Variants in EPHB2 observed in about 807,000 individuals in gnomAD.
EPHB2 encodes the protein EPH receptor B2, also known as ephrin type-B receptor 2.
In EPHB2, 18 loss-of-function variants were observed where a neutral mutation model predicts 96.4. The observed-to-expected ratio is 0.19, with a 90% CI of 0.13 to 0.28. EPHB2 has a LOEUF of 0.28. EPHB2 is among the 10% of genes least tolerant of loss of function. EPHB2 has a pLI of 1.00. For missense variants in EPHB2, 989 were observed against 1,355.4 expected, an observed-to-expected ratio of 0.73 and a Z score of 4.25; for synonymous variants, 506 against 534.1, an observed-to-expected ratio of 0.95 and a Z score of 0.72.
chr1:22,750,649 T>G (rs1644047343), intron 1 of EPHB2, among the ~76,000 whole-genome samples: 1 of 152,212 alleles, frequency 6.6e-6, no homozygotes, highest in African/African-American at 2.4e-5. Flanking sequence ...GACTTCAAGC[T>G]CAGAACCTGC....
chr1:22,781,063 G>A (rs1425143119), intron 1 of EPHB2, among the ~76,000 whole-genome samples: 1 of 151,914 alleles, frequency 6.6e-6, no homozygotes, highest in African/African-American at 2.4e-5. Flanking sequence ...GCTCACGCCT[G>A]TACTCCCAGC....
chr1:22,725,480 CA>C (rs1329713390), intron 1 of EPHB2, among the ~76,000 whole-genome samples: 2 of 151,882 alleles, frequency 1.3e-5, no homozygotes, highest in Admixed American at 6.6e-5. Flanking sequence ...AAACAAACAC[CA>C]AAAACCAGAG....
intron 5 of EPHB2, among the ~76,000 whole-genome samples, chr1:22,872,011 A>G (rs918855396): frequency 1.6e-5 from 1 of 61,360 alleles, no homozygotes; most frequent in Non-Finnish European, 4.4e-5. Flanking sequence ...GCGAGACTCC[A>G]TCTCAAAGAA....
intron 3 of EPHB2, among the ~76,000 whole-genome samples, chr1:22,844,013 T>G (rs1645506059): frequency 6.6e-6 from 1 of 152,266 alleles, no homozygotes; most frequent in Admixed American, 6.5e-5. Flanking sequence ...TTCCATGGTG[T>G]ATATGTACCA....
intron 6 of EPHB2, among the ~76,000 whole-genome samples, chr1:22,888,592 G>T (rs1394707109): frequency 6.6e-6 from 1 of 152,116 alleles, no homozygotes; most frequent in Non-Finnish European, 1.5e-5. Flanking sequence ...AGGACTAGTG[G>T]ATTTCATACT....
Position 22,913,933 on chromosome 1 carries a change from TC to T in EPHB2, c.*366del. The T allele has an allele frequency of 6.7e-7, 1 of 1,489,020 alleles. No homozygotes were observed. The highest frequency in any genetic ancestry group is 1.4e-5 in the South Asian group (1 of 70,296). The allele number at this position is 1,489,020 out of a possible 1,614,324, so 92.2% of individuals were successfully genotyped here. ...GAGACAAAAGCAGTTTCTCTCCAAC[TC>T]CCTCTGGGAAGGTGACCTGGCCAGA... On this transcript the variant is annotated 3_prime_UTR_variant, in exon 16 of 16. Coordinates refer to ENST00000374630, the MANE Select transcript of EPHB2 (RefSeq NM_017449.5). The surrounding 1 kb of genome is among the most constrained non-coding windows in gnomAD (Gnocchi z 4.1).
chr1:22,893,173 T>G (rs1639448748), intron 7 of EPHB2, 127 bp downstream of exon 7: 1 of 1,421,708 alleles, frequency 7.0e-7, no homozygotes, highest in Admixed American at 1.8e-5. Flanking sequence ...ATGTCAGCCC[T>G]CCCTCCCTCC....
In EPHB2 at chr1:22,741,686, AAAC is replaced by A. The variant is rs796498683; in HGVS notation, c.61+30646_61+30648del. On this transcript the variant is annotated intron_variant, in intron 1 of 15. Transcript: ENST00000374630. Reference sequence around the variant, plus strand: ...GCCTGGTTTTCTTCCCAGCAAAAAAAAACAAAAAAACAAAAAACCTCAGTTTCT... The same window carrying A: ...GCCTGGTTTTCTTCCCAGCAAAAAAAAAAAAAACAAAAAACCTCAGTTTCT... 2.7e-3 allele frequency among the ~76,000 whole-genome samples: 389 copies of A among 144,302 alleles called. 26 individuals carry two copies. The highest frequency in any genetic ancestry group is 0.021 in the Admixed American group (298 of 14,086). The allele number at this position is 144,302 out of a possible 152,430, so 94.7% of individuals were successfully genotyped here.
intron 1 of EPHB2, among the ~76,000 whole-genome samples, chr1:22,741,696 A>AAAAAAAAAAAAAAAAC (rs55743842): frequency 2.3e-4 from 31 of 137,362 alleles, no homozygotes; most frequent in African/African-American, 6.8e-4. Flanking sequence ...AAACAAAAAA[A>AAAAAAAAAAAAAAAAC]CAAAAAACCT....
At chr1:22,779,311 A>G (rs1441886774) in intron 1 of EPHB2, among the ~76,000 whole-genome samples, 2 of 150,922 alleles carry the variant, frequency 1.3e-5, no homozygotes, top group African/African-American at 4.9e-5. Context: ...CTTACCCCAC[A>G]CCCCCTCCCT....
chr1:22,729,281 C>G (rs1643652053), intron 1 of EPHB2, among the ~76,000 whole-genome samples: 1 of 152,180 alleles, frequency 6.6e-6, no homozygotes, highest in African/African-American at 2.4e-5. Context: ...AGGAGATGAC[C>G]TTTTGTCTTG....
chr1:22,792,817 A>G (rs1326380295), intron 3 of EPHB2, among the ~76,000 whole-genome samples: 2 of 152,176 alleles, frequency 1.3e-5, no homozygotes, highest in Non-Finnish European at 1.5e-5. Flanking sequence ...ATACATCTAC[A>G]GACAGTGAAG....
intron 3 of EPHB2, among the ~76,000 whole-genome samples, chr1:22,795,036 A>AGCTGGCACAGGCCCC (rs1553164966): frequency 6.6e-6 from 1 of 152,184 alleles, no homozygotes; most frequent in African/African-American, 2.4e-5. Context: ...GCTCTGCGGC[A>AGCTGGCACAGGCCCC]GCTGGCACAG....
At chr1:22,886,302 A>G (rs1174537511) in intron 6 of EPHB2, among the ~76,000 whole-genome samples, 1 of 152,226 alleles carries the variant, frequency 6.6e-6, no homozygotes, top group Non-Finnish European at 1.5e-5. Context: ...GAAACAGACA[A>G]GGCAAGTGTG....
chr1:22,858,812 T>C lies in EPHB2; in HGVS notation c.812-4225T>C, dbSNP rs1645745141. ...GAAGAGCTATGTCTGTCTGTTCCTC[T>C]CTGGGCCTCAGTTTCCTCAAATGTC... is the stretch of plus-strand genomic sequence containing the variant. On this transcript the variant is annotated intron_variant, in intron 3 of 15. Transcript: ENST00000374630. This position sits in a 1 kb window ranked among gnomAD's most constrained non-coding sequence, Gnocchi z 7.7. 6.6e-6 allele frequency among the ~76,000 whole-genome samples: 1 copy of C among 152,182 alleles called. No individual in the cohort carries two copies. Among genetic ancestry groups the C allele is most frequent in the Admixed American group, 6.5e-5 (1 of 15,272 alleles).
At chr1:22,799,352 G>A (rs1644810532) in intron 3 of EPHB2, among the ~76,000 whole-genome samples, 1 of 152,242 alleles carries the variant, frequency 6.6e-6, no homozygotes, top group South Asian at 2.1e-4. Context: ...AGCAAAATAG[G>A]TAAGAGCCAG....
chr1:22,912,878 T>G (rs1278806650), intron 15 of EPHB2: 3 of 456,000 alleles, frequency 6.6e-6, no homozygotes, highest in Non-Finnish European at 1.2e-5. Flanking sequence ...GAGGGAGATA[T>G]AAAGGAAGCG....
intron 3 of EPHB2, among the ~76,000 whole-genome samples, chr1:22,789,084 A>AT (rs1644655121): frequency 6.6e-6 from 1 of 152,082 alleles, no homozygotes; most frequent in Admixed American, 6.6e-5. Context: ...AGCAGTCCTG[A>AT]TGATTCTGTA....
At chr1:22,722,160 AT>A (rs60822303) in intron 1 of EPHB2, among the ~76,000 whole-genome samples, 20 of 149,564 alleles carry the variant, frequency 1.3e-4, no homozygotes, top group Admixed American at 2.7e-4. Context: ...CATGCCCAGC[AT>A]TTTTTTTTTC....
Sources: allele counts gnomAD v4.1 joint callset (sites outside exome capture counted in the v4.1 genomes callset), GRCh38; gene constraint gnomAD v4.1.1; non-coding constraint Gnocchi (gnomAD v3.1); transcripts MANE v1.5; gene names NCBI Gene and HGNC (gene_info 2026-07-23, HGNC 2026-07-21).